Variants in NUGGC observed in about 807,000 individuals in gnomAD.
NUGGC encodes the protein nuclear GTPase SLIP-GC.
Under a neutral mutation model 92.6 loss-of-function variants are expected in NUGGC, and 58 were observed. The ratio of observed to expected loss-of-function variants is 0.63; its 90% CI spans 0.51 to 0.78. NUGGC has a LOEUF of 0.78. Ranked by LOEUF, NUGGC falls within the 30% of genes least tolerant of loss-of-function variation. The pLI is 0.00. For missense variants in NUGGC, 925 were observed against 964.6 expected (o/e 0.96, Z 0.54); for synonymous variants, 376 against 366.4 (o/e 1.03, Z -0.30).
intron 1 of NUGGC, among the ~76,000 whole-genome samples, chr8:28,079,951 T>TGTTC (rs1187139465): frequency 6.6e-6 from 1 of 151,888 alleles, no homozygotes; most frequent in Non-Finnish European, 1.5e-5. Context: ...TTTGTTTGTT[T>TGTTC]GTTTTGAGAT....
At chr8:28,051,094 G>C (rs1321622271) in intron 10 of NUGGC, among the ~76,000 whole-genome samples, 1 of 152,082 alleles carries the variant, frequency 6.6e-6, no homozygotes, top group Admixed American at 6.6e-5. Context: ...AAAGTGCTGA[G>C]ATTACAGGTG....
intron 12 of NUGGC, 99 bp from the exon 13 acceptor site, chr8:28,041,314 C>G (rs756677289): frequency 9.5e-5 from 113 of 1,189,960 alleles, no homozygotes; most frequent in Non-Finnish European, 1.2e-4. Context: ...GCTCAAGATT[C>G]AGCTTATCAC....
chr8:28,038,694 T>C (rs548533581), intron 13 of NUGGC, among the ~76,000 whole-genome samples: 1 of 152,240 alleles, frequency 6.6e-6, no homozygotes, highest in Non-Finnish European at 1.5e-5. Context: ...GATTTATAGA[T>C]GTTAAACTAT....
chr8:28,058,267 C>A lies in NUGGC; in HGVS notation c.1107G>T (p.Lys369Asn). ...LHLPEYLRER[K>N]AGNQAIQSQR... ...ACTAGTTCATACTTACATTTCCTGC[C>A]TTTCTTTCCCTGAAATGAAATTAGA... Residue 369 changes from lysine (K) to asparagine (N), a missense_variant, in exon 9 of 19, where the codon AAG becomes AAT. Coordinates refer to ENST00000413272, the MANE Select transcript of NUGGC (RefSeq NM_001010906.2). 1 of 508,272 alleles carries A rather than the reference C, an allele frequency of 2.0e-6. No individual in the cohort carries two copies. Among genetic ancestry groups the A allele is most frequent in the Non-Finnish European group, 3.1e-6 (1 of 325,402 alleles). The allele number at this position is 508,272 out of a possible 1,614,324, so 31.5% of individuals were successfully genotyped here.
chr8:28,030,371 C>A lies in NUGGC; in HGVS notation c.1956G>T (p.Lys652Asn). The change falls in exon 16 of 19, where the codon AAG becomes AAT. Residue 652 changes from lysine (K) to asparagine (N), a missense_variant. Coordinates refer to ENST00000413272, the MANE Select transcript of NUGGC (RefSeq NM_001010906.2). ...GGLEDHILRRKRRIYESLTAS... is the reference protein window; with the variant it reads ...GGLEDHILRRNRRIYESLTAS... ...CAGTGAGGGACTCGTAGATCCTCCT[C>A]TTCCTTCTGAGGATGTGGTCCTCCA... 1 of 1,582,446 alleles carries A rather than the reference C, an allele frequency of 6.3e-7. No individual in the cohort carries two copies. The highest frequency in any genetic ancestry group is 2.3e-5 in the East Asian group (1 of 43,496).
chr8:28,051,925 A>AAAACC (rs1162475335), intron 10 of NUGGC, among the ~76,000 whole-genome samples: 5 of 151,782 alleles, frequency 3.3e-5, no homozygotes, highest in Admixed American at 2.0e-4. Flanking sequence ...AAAACAAAAC[A>AAAACC]AAACAAAACA....
intron 9 of NUGGC, 57 bp from the exon 10 acceptor site, chr8:28,056,111 G>C: frequency 1.0e-6 from 1 of 970,506 alleles, no homozygotes; most frequent in Non-Finnish European, 1.6e-6. Context: ...ACAGTGATGA[G>C]GTGGCAAGAT....
At chr8:28,030,875 C>T (rs560985126) in intron 15 of NUGGC, among the ~76,000 whole-genome samples, 5 of 152,290 alleles carry the variant, frequency 3.3e-5, no homozygotes, top group Admixed American at 6.5e-5. Flanking sequence ...TTCACTGCAT[C>T]GGATGCTACT....
chr8:28,071,016 A>G (rs1302539960), intron 2 of NUGGC, among the ~76,000 whole-genome samples: 1 of 151,760 alleles, frequency 6.6e-6, no homozygotes, highest in Non-Finnish European at 1.5e-5. Flanking sequence ...AAAAATAGGA[A>G]CTGCTTCCAG....
rs1326105424 is a variant in NUGGC, at chr8:28,068,407, T to C, written c.289A>G (p.Thr97Ala). The C allele has an allele frequency of 6.3e-7, 1 of 1,577,110 alleles. No homozygotes were observed. The highest frequency in any genetic ancestry group is 8.6e-7 in the Non-Finnish European group (1 of 1,160,254). Residue 97 changes from threonine (T) to alanine (A), a missense_variant, in exon 5 of 19, where the codon ACA becomes GCA. Coordinates refer to ENST00000413272, the MANE Select transcript of NUGGC (RefSeq NM_001010906.2). ...AATGCAATGTAGATTGGGTCCACTGTCGGCTTTTCAATCAAGGCAAGAAGC... is the reference window on the plus strand; with the variant it reads ...AATGCAATGTAGATTGGGTCCACTGCCGGCTTTTCAATCAAGGCAAGAAGC... ...NRLLALIEKPTVDPIYIALFG... is the reference protein window; with the variant it reads ...NRLLALIEKPAVDPIYIALFG...
intron 13 of NUGGC, among the ~76,000 whole-genome samples, chr8:28,037,792 C>G (rs1057254313): frequency 6.6e-6 from 1 of 152,206 alleles, no homozygotes; most frequent in African/African-American, 2.4e-5. Context: ...CCCTGTTCCT[C>G]TAGACCAGTG....
intron 13 of NUGGC, among the ~76,000 whole-genome samples, chr8:28,036,426 G>A (rs1440516467): frequency 6.6e-6 from 1 of 151,728 alleles, no homozygotes; most frequent in Non-Finnish European, 1.5e-5. Context: ...TGGTATATGT[G>A]CATCAATTCC....
At chr8:28,076,495 C>T (rs968375144) in intron 1 of NUGGC, among the ~76,000 whole-genome samples, 1 of 152,174 alleles carries the variant, frequency 6.6e-6, no homozygotes, top group Non-Finnish European at 1.5e-5. Context: ...TGGGGTTTCA[C>T]CATGTTGGCC....
At chr8:28,063,893 G>C (rs1184857500) in intron 7 of NUGGC, among the ~76,000 whole-genome samples, 2 of 152,102 alleles carry the variant, frequency 1.3e-5, no homozygotes, top group Non-Finnish European at 2.9e-5. Context: ...CCCACCCTGT[G>C]CTCCAGAGCG....
intron 17 of NUGGC, among the ~76,000 whole-genome samples, chr8:28,028,592 A>G (rs1371187993): frequency 6.6e-6 from 1 of 152,176 alleles, no homozygotes; most frequent in Non-Finnish European, 1.5e-5. Flanking sequence ...CCACAGTGGC[A>G]TGGACTTCAA....
chr8:28,031,886 A>T (rs768693705), intron 14 of NUGGC, among the ~76,000 whole-genome samples: 1 of 152,258 alleles, frequency 6.6e-6, no homozygotes, highest in Non-Finnish European at 1.5e-5. Context: ...ACAAGCTTTA[A>T]ATCCTAGCTC....
intron 12 of NUGGC, among the ~76,000 whole-genome samples, chr8:28,043,395 C>T (rs1809749237): frequency 1.3e-5 from 2 of 152,058 alleles, no homozygotes; most frequent in African/African-American, 4.8e-5. Flanking sequence ...CAGTGATCAT[C>T]TTTGAAAAAA....
intron 2 of NUGGC, among the ~76,000 whole-genome samples, chr8:28,070,972 A>G (rs1484300298): frequency 1.3e-5 from 2 of 151,766 alleles, no homozygotes; most frequent in South Asian, 2.1e-4. Context: ...AACCTGGGTC[A>G]TACAAGACCC....
chr8:28,067,985 A>T (rs1437535722), intron 5 of NUGGC, among the ~76,000 whole-genome samples: 7 of 152,188 alleles, frequency 4.6e-5, no homozygotes, highest in Non-Finnish European at 1.0e-4. Flanking sequence ...GGCTCTTTTC[A>T]TTCAACAAAG....
Sources: gnomAD v4.1 joint callset for allele counts (sites outside exome capture counted in the v4.1 genomes callset) on GRCh38, gnomAD v4.1.1 for gene constraint, MANE v1.5 for transcripts, NCBI Gene and HGNC (gene_info 2026-07-23, HGNC 2026-07-21) for gene names.